Variants in MTPAP observed in about 807,000 individuals in gnomAD.
The protein encoded by MTPAP is mitochondrial poly(A) polymerase, also known as poly(A) RNA polymerase, mitochondrial.
A neutral mutation model predicts 48.7 loss-of-function variants in MTPAP; 23 were observed. The observed-to-expected ratio is 0.47, with a 90% CI of 0.34 to 0.67. MTPAP has a LOEUF of 0.67. Ranked by LOEUF, MTPAP falls within the 30% of genes least tolerant of loss-of-function variation. MTPAP has a pLI of 0.01. For missense variants in MTPAP, 614 were observed against 694.3 expected (o/e 0.88, Z 1.30); for synonymous variants, 257 against 254.1 (o/e 1.01, Z -0.11).
At chr10:30,341,404 C>A in intron 2 of MTPAP, 64 bp downstream of exon 2, 1 of 1,553,892 alleles carries the variant, frequency 6.4e-7, no homozygotes, top group South Asian at 1.2e-5. Flanking sequence ...CAAAAAACAA[C>A]TAATGGAGAC....
chr10:30,341,349 A>T, intron 2 of MTPAP, 119 bp downstream of exon 2: 2 of 1,246,422 alleles, frequency 1.6e-6, no homozygotes, highest in South Asian at 3.0e-5. Context: ...AAGAAGATGC[A>T]GTATATCAAA....
chr10:30,337,072 G>A (rs1264045302), intron 3 of MTPAP, 45 bp from the exon 4 acceptor site: 3 of 1,508,832 alleles, frequency 2.0e-6, no homozygotes, highest in Admixed American at 3.4e-5. Flanking sequence ...AAAAGTACAG[G>A]TCGCATAAAA....
chr10:30,330,797 C>T (rs1006724286), intron 4 of MTPAP, among the ~76,000 whole-genome samples: 6 of 152,194 alleles, frequency 3.9e-5, no homozygotes, highest in African/African-American at 1.4e-4. Flanking sequence ...CAGGCAGAAA[C>T]TTCAAGAGCC....
intron 4 of MTPAP, 31 bp from the exon 5 acceptor site, chr10:30,326,666 C>G: frequency 6.4e-7 from 1 of 1,567,410 alleles, no homozygotes; most frequent in Non-Finnish European, 8.8e-7. Flanking sequence ...TAAATAGGAG[C>G]TTTTGGTAAA....
rs370276922 is a variant in MTPAP at position 30,349,166 on chromosome 10, G to A, written c.110C>T (p.Ala37Val). Reference protein sequence around the residue: ...VRLLSCPGTVAKDLRRDEQPS... With the variant: ...VRLLSCPGTVVKDLRRDEQPS... Reference sequence around the variant, plus strand: ...CTGCTCGTCTCTCCTAAGGTCTTTGGCCACAGTTCCTGGGCAACTCAAAAG... The same window carrying A: ...CTGCTCGTCTCTCCTAAGGTCTTTGACCACAGTTCCTGGGCAACTCAAAAG... The change falls in exon 1 of 9, where the codon GCC becomes GTC. Residue 37 changes from alanine to valine, a missense_variant. Around this residue, in one of 5 missense-constraint regions of MTPAP, gnomAD observed 125 missense variants for 111.5 expected, o/e 1.12. Transcript: ENST00000263063. 6.2e-7 allele frequency: 1 copy of A among 1,613,094 alleles called. No individual in the cohort carries two copies. The highest frequency in any genetic ancestry group is 1.3e-5 in the African/African-American group (1 of 74,786).
At chr10:30,343,706 T>C (rs371936741) in intron 1 of MTPAP, among the ~76,000 whole-genome samples, 1 of 152,142 alleles carries the variant, frequency 6.6e-6, no homozygotes, top group East Asian at 1.9e-4. Flanking sequence ...TAGCCGGTAT[T>C]ACAGGCGTGC....
intron 8 of MTPAP, among the ~76,000 whole-genome samples, chr10:30,314,884 C>CAAAAAAAAAAAAAAAAAA (rs34249388): frequency 2.1e-4 from 23 of 110,746 alleles, no homozygotes; most frequent in Admixed American, 3.2e-4. Context: ...AAAACAAAAA[C>CAAAAAAAAAAAAAAAAAA]AAAAAAAAAA....
At position 30,341,497 on chromosome 10, in the gene MTPAP, T is replaced by C. The variant is rs376572481; in HGVS notation, c.301A>G (p.Ile101Val). The change falls in exon 2 of 9, where the codon ATT becomes GTT. Residue 101 changes from isoleucine (I) to valine (V), a missense_variant. Physicochemically the swap from Ile to Val is conservative, Grantham distance 29. Coordinates refer to ENST00000263063, the MANE Select transcript of MTPAP (RefSeq NM_018109.4). ...CTTTCATAGAAGAAATGATTATTAA[T>C]AGGTCCAAATTGGGATAAATATTTA... ...FLKYLSQFGPINNHFFYESFG... is the reference protein window; with the variant it reads ...FLKYLSQFGPVNNHFFYESFG... The C allele has an allele frequency of 6.2e-6, 10 of 1,613,594 alleles. No individual in the cohort carries two copies. Among genetic ancestry groups the C allele is most frequent in the Admixed American group, 3.3e-5 (2 of 59,962 alleles).
rs564393141 is a variant in MTPAP, at chr10:30,347,717, C to G, written c.157+1402G>C. 2.4e-3 allele frequency among the ~76,000 whole-genome samples: 363 copies of G among 152,170 alleles called. 2 individuals carry two copies. Among genetic ancestry groups the G allele is most frequent in the African/African-American group, 8.2e-3 (341 of 41,516 alleles). The stretch of plus-strand genomic sequence containing the variant: ...ATCAGCCTGGCCAACATGGTGAAAC[C>G]CCATCTCTACTAATAACACAAAAAT... On this transcript the variant is annotated intron_variant, in intron 1 of 8. Coordinates refer to ENST00000263063, the MANE Select transcript of MTPAP (RefSeq NM_018109.4).
chr10:30,340,297 G>A lies in MTPAP; in HGVS notation c.484C>T (p.Arg162Cys), dbSNP rs1047991. The A allele has an allele frequency of 0.27, 431,770 of 1,613,486 alleles. 58,995 individuals carry two copies. The highest frequency in any genetic ancestry group is 0.28 in the Non-Finnish European group (329,824 of 1,179,602). The change falls in exon 3 of 9, where the codon CGC (arginine) becomes TGC (cysteine). Residue 162 changes from arginine to cysteine, a missense_variant. By Grantham distance (180) the Arg-to-Cys change is radical. Around this residue, in one of 5 missense-constraint regions of MTPAP, gnomAD observed 114 missense variants for 107.9 expected, o/e 1.06. Coordinates refer to ENST00000263063, the MANE Select transcript of MTPAP (RefSeq NM_018109.4). ...GGCAACTGATTACTTGACCGTACGC[G>A]TGACCGTTCAGAAGTCTGGTTTTTC... The part of the protein sequence containing the change: ...KLKNQTSERS[R>C]VRSSNQLPRS...
rs1419994174 is a variant in MTPAP at position 30,336,838 on chromosome 10, C to T, written c.745G>A (p.Asp249Asn). The change falls in exon 4 of 9, where the codon GAT becomes AAT. Residue 249 changes from aspartate (D) to asparagine (N), a missense_variant. Physicochemically the swap from Asp to Asn is conservative, Grantham distance 23. Around this residue, in one of 5 missense-constraint regions of MTPAP, gnomAD observed 261 missense variants for 355.4 expected, o/e 0.73. Transcript: ENST00000263063. ...CTGAGGTTTCTGGTTTCATCTAGATCCAAAAACATGTCCAAATCACATCCT... is the reference window on the plus strand; with the variant it reads ...CTGAGGTTTCTGGTTTCATCTAGATTCAAAAACATGTCCAAATCACATCCT... ...KLGCDLDMFL[D>N]LDETRNLSAH... 1 of 1,612,142 alleles carries T rather than the reference C, an allele frequency of 6.2e-7. No individual in the cohort carries two copies. Among genetic ancestry groups the T allele is most frequent in the African/African-American group, 1.3e-5 (1 of 74,846 alleles).
intron 4 of MTPAP, among the ~76,000 whole-genome samples, chr10:30,327,545 A>G (rs1834613172): frequency 6.7e-6 from 1 of 148,516 alleles, no homozygotes; most frequent in African/African-American, 2.5e-5. Context: ...TAAATAAATT[A>G]CTAAAACTCA....
At position 30,341,167 on chromosome 10, in the gene MTPAP, T is replaced by G. The variant is rs192571098; in HGVS notation, c.330+301A>C. On this transcript the variant is annotated intron_variant, in intron 2 of 8. Transcript: ENST00000263063. ...TCGAGGCTGTAGTGCAATATGATCG[T>G]ACCTGCCAACAGCCACTGCACTCCA... is the stretch of plus-strand genomic sequence containing the variant. Among the ~76,000 whole-genome samples, 961 of 151,562 alleles carry G rather than the reference T, an allele frequency of 6.3e-3. 13 individuals are homozygous for G. Among genetic ancestry groups the G allele is most frequent in the African/African-American group, 0.021 (879 of 41,300 alleles).
Position 30,332,483 on chromosome 10 carries a change from G to A in MTPAP, c.780+4320C>T, listed in dbSNP as rs1223459697. 5.3e-5 allele frequency among the ~76,000 whole-genome samples: 8 copies of A among 151,976 alleles called. No homozygotes were observed. In the East Asian group the frequency reaches 5.8e-4, roughly 11 times the overall value. On this transcript the variant is annotated intron_variant, in intron 4 of 8. Coordinates refer to ENST00000263063, the MANE Select transcript of MTPAP (RefSeq NM_018109.4). ...TAATTTTTGTATTTTTAGTAGAGAC[G>A]GGGTTTCACTACATTGGCCAGGCTG...
intron 5 of MTPAP, among the ~76,000 whole-genome samples, chr10:30,325,905 G>C (rs548810023): frequency 1.3e-5 from 2 of 149,800 alleles, no homozygotes; most frequent in African/African-American, 5.0e-5. Flanking sequence ...AAAGCCATCC[G>C]GTCTTAAGCT....
At chr10:30,338,940 A>T (rs932421407) in intron 3 of MTPAP, among the ~76,000 whole-genome samples, 2 of 151,616 alleles carry the variant, frequency 1.3e-5, no homozygotes, top group Non-Finnish European at 2.9e-5. Flanking sequence ...TGGCTAACTC[A>T]GTGAAACCCC....
chr10:30,325,489 G>A (rs760881464), intron 5 of MTPAP, among the ~76,000 whole-genome samples: 14 of 152,190 alleles, frequency 9.2e-5, no homozygotes, highest in Non-Finnish European at 1.8e-4. Context: ...GCTCACGCCT[G>A]TAATCCCAGC....
At chr10:30,320,671 G>C (rs1177430530) in intron 6 of MTPAP, among the ~76,000 whole-genome samples, 1 of 152,124 alleles carries the variant, frequency 6.6e-6, no homozygotes, top group Admixed American at 6.5e-5. Context: ...AGATTGGTGG[G>C]AACCAAACTT....
intron 8 of MTPAP, among the ~76,000 whole-genome samples, chr10:30,315,378 T>A (rs1484436806): frequency 6.6e-6 from 1 of 152,046 alleles, no homozygotes; most frequent in East Asian, 1.9e-4. Context: ...AACAGAGGGC[T>A]ATCCCAAGTT....
Sources: allele counts gnomAD v4.1 joint callset (sites outside exome capture counted in the v4.1 genomes callset), GRCh38; gene constraint gnomAD v4.1.1; regional missense constraint gnomAD v4.1.1; transcripts MANE v1.5; gene names NCBI Gene and HGNC (gene_info 2026-07-23, HGNC 2026-07-21).